FAM210A: variants seen among roughly 807,000 people sequenced by gnomAD.
The protein encoded by FAM210A is mitochondrial inner membrane scaffold 1.
FAM210A carries 13 observed loss-of-function variants against 25.3 expected under a neutral mutation model. The observed-to-expected ratio is 0.51, with a 90% confidence interval of 0.33 to 0.82. FAM210A has a LOEUF of 0.82. Ranked by LOEUF, FAM210A falls within the 40% of genes least tolerant of loss-of-function variation. The probability of loss-of-function intolerance (pLI) is 0.02; values close to 1 mark genes in which losing one functional copy is unlikely to be tolerated. For missense variants in FAM210A, 319 were observed against 323.2 expected, an observed-to-expected ratio of 0.99 and a Z score of 0.10; for synonymous variants, 125 against 118.7, an observed-to-expected ratio of 1.05 and a Z score of -0.35.
At chr18:13,675,621 T>G (rs1402959486) in intron 2 of FAM210A, among the ~76,000 whole-genome samples, 2 of 139,464 alleles carry the variant, frequency 1.4e-5, no homozygotes, top group Admixed American at 7.3e-5. Context: ...CTGGCCTCTT[T>G]ATTTCCAGTT....
chr18:13,676,821 C>T (rs965902346), intron 2 of FAM210A, among the ~76,000 whole-genome samples: 1 of 152,096 alleles, frequency 6.6e-6, no homozygotes, highest in African/African-American at 2.4e-5. Flanking sequence ...TGATTGTTTC[C>T]TCAAGAGGAG....
intron 3 of FAM210A, 81 bp downstream of exon 3, chr18:13,671,781 G>A: frequency 5.0e-6 from 4 of 797,686 alleles, no homozygotes; most frequent in Non-Finnish European, 8.6e-6. Flanking sequence ...ACAATTGGAA[G>A]CTAACATGGA....
intron 2 of FAM210A, among the ~76,000 whole-genome samples, chr18:13,675,120 A>G (rs1273098052): frequency 3.6e-5 from 4 of 109,960 alleles, no homozygotes; most frequent in African/African-American, 7.0e-5. Flanking sequence ...CTGAGCCGTG[A>G]CTTCTTTATT....
intron 1 of FAM210A, among the ~76,000 whole-genome samples, chr18:13,724,843 G>A (rs2043922654): frequency 6.6e-6 from 1 of 152,004 alleles, no homozygotes; most frequent in Non-Finnish European, 1.5e-5. Flanking sequence ...GCGCAATCTC[G>A]GCTCACTGCA....
At chr18:13,697,675 C>A (rs1365908394) in intron 1 of FAM210A, 1 of 59,016 alleles carries the variant, frequency 1.7e-5, no homozygotes, top group Non-Finnish European at 2.9e-5. Flanking sequence ...GAGTGAGACT[C>A]TGTCTCAAAA....
Position 13,726,438 on chromosome 18 carries a change from G to A in FAM210A, c.-138C>T, listed in dbSNP as rs115204176. On this transcript the variant is annotated 5_prime_UTR_variant, in exon 1 of 4. Transcript: ENST00000651643. The stretch of plus-strand genomic sequence containing the variant: ...AGCAGAGCAGCCCGACAAAGCGTGG[G>A]TCCGCGTGCAGGAACCCGCCGGGCT... The A allele has an allele frequency of 0.03, 4,629 of 152,586 alleles. 100 individuals are homozygous for A. The highest frequency in any genetic ancestry group is 0.068 in the Middle Eastern group (20 of 292). 9.5% of individuals were successfully genotyped at this position (152,586 alleles called of 1,614,324 possible). A position where few individuals can be genotyped will look rare whatever the true frequency, so the allele number is the denominator to read the frequency against.
chr18:13,708,917 C>T (rs2043801619), intron 1 of FAM210A, among the ~76,000 whole-genome samples: 1 of 152,242 alleles, frequency 6.6e-6, no homozygotes, highest in Non-Finnish European at 1.5e-5. Context: ...TGAATTACCA[C>T]CTTGCCCTTC....
chr18:13,699,007 G>C (rs1012790168), intron 1 of FAM210A, among the ~76,000 whole-genome samples: 1 of 152,052 alleles, frequency 6.6e-6, no homozygotes, highest in Non-Finnish European at 1.5e-5. Flanking sequence ...ACAGGGACTC[G>C]CTATGTTGCC....
chr18:13,674,995 C>T (rs1315962738), intron 2 of FAM210A, among the ~76,000 whole-genome samples: 2 of 141,018 alleles, frequency 1.4e-5, no homozygotes, highest in African/African-American at 2.6e-5. Flanking sequence ...TCTTTATTTC[C>T]TGTTTCCTGA....
intron 1 of FAM210A, among the ~76,000 whole-genome samples, chr18:13,702,423 C>T (rs2043748019): frequency 6.6e-6 from 1 of 152,194 alleles, no homozygotes; most frequent in Admixed American, 6.5e-5. Context: ...CAAGACGGCC[C>T]AGCAAGCTGG....
intron 1 of FAM210A, among the ~76,000 whole-genome samples, chr18:13,682,772 G>C (rs2043566628): frequency 6.6e-6 from 1 of 152,204 alleles, no homozygotes; most frequent in Non-Finnish European, 1.5e-5. Context: ...GGGAGGCTGA[G>C]GCATGAGAAT....
chr18:13,696,793 C>T (rs567495854), intron 1 of FAM210A, among the ~76,000 whole-genome samples: 14 of 152,240 alleles, frequency 9.2e-5, no homozygotes, highest in African/African-American at 3.4e-4. Context: ...CAATTTATTA[C>T]TAAATAAATT....
chr18:13,721,191 C>T (rs1359318324), intron 1 of FAM210A, among the ~76,000 whole-genome samples: 1 of 152,046 alleles, frequency 6.6e-6, no homozygotes, highest in Non-Finnish European at 1.5e-5. Flanking sequence ...TTGACATTCC[C>T]GAGGTAGGAC....
At chr18:13,671,484 G>T (rs1223881404) in intron 3 of FAM210A, among the ~76,000 whole-genome samples, 1 of 152,060 alleles carries the variant, frequency 6.6e-6, no homozygotes, top group Non-Finnish European at 1.5e-5. Context: ...TTGACCACAG[G>T]AAGTTATGAA....
At chr18:13,710,319 G>T (rs1297347265) in intron 1 of FAM210A, 3 of 152,244 alleles carry the variant, frequency 2.0e-5, no homozygotes, top group African/African-American at 7.3e-5. Context: ...GAGTAGCTGG[G>T]ACTACAGATG....
chr18:13,701,231 A>ATC, intron 1 of FAM210A, among the ~76,000 whole-genome samples: 1 of 152,236 alleles, frequency 6.6e-6, no homozygotes, highest in South Asian at 2.1e-4. Flanking sequence ...GTTCTCTCAG[A>ATC]TTTCGGAGCT....
chr18:13,685,436 TGCCATCTATTGTCTCTAAGGACG>T (rs2043588736), intron 1 of FAM210A, among the ~76,000 whole-genome samples: 1 of 152,296 alleles, frequency 6.6e-6, no homozygotes, highest in Non-Finnish European at 1.5e-5. Context: ...AGGAAACATT[TGCCATCTATTGTCTCTAAGGACG>T]GCCACCTTTG....
intron 1 of FAM210A, among the ~76,000 whole-genome samples, chr18:13,686,052 T>A (rs2043594468): frequency 6.6e-6 from 1 of 151,914 alleles, no homozygotes. Context: ...ATGAATAAAA[T>A]TCATAAATCT....
intron 1 of FAM210A, among the ~76,000 whole-genome samples, chr18:13,713,172 T>C (rs978848364): frequency 6.6e-6 from 1 of 152,248 alleles, no homozygotes; most frequent in Non-Finnish European, 1.5e-5. Flanking sequence ...AATTTAACTT[T>C]TTTGATGTTA....
Sources: gnomAD v4.1 joint callset for allele counts (sites outside exome capture counted in the v4.1 genomes callset) on GRCh38, gnomAD v4.1.1 for gene constraint, MANE v1.5 for transcripts, NCBI Gene and HGNC (gene_info 2026-07-23, HGNC 2026-07-21) for gene names.